The following STK39 variants were observed in gnomAD, a reference collection of about 807,000 sequenced individuals.
STK39 encodes the protein STE20/SPS1-related proline-alanine-rich protein kinase.
STK39 carries 20 observed loss-of-function variants against 77.8 expected under a neutral mutation model. The ratio of observed to expected loss-of-function variants is 0.26; its 90% CI spans 0.18 to 0.37. The LOEUF (loss-of-function observed/expected upper bound fraction) is 0.37. Ranked by LOEUF, STK39 falls within the 10% of genes least tolerant of loss-of-function variation. The pLI is 1.00. For missense variants in STK39, 479 were observed against 656.5 expected, an observed-to-expected ratio of 0.73 and a Z score of 2.95; for synonymous variants, 246 against 234.1, an observed-to-expected ratio of 1.05 and a Z score of -0.47.
intron 16 of STK39, among the ~76,000 whole-genome samples, chr2:167,993,876 C>G (rs1683765610): frequency 1.3e-5 from 2 of 151,244 alleles, no homozygotes; most frequent in Non-Finnish European, 1.5e-5. Context: ...TTCTCTTTGT[C>G]TTCTTAAGTT....
At position 168,056,082 on chromosome 2, in the gene STK39, A is replaced by G. The variant is rs148102226; in HGVS notation, c.1376+7418T>C. Among the ~76,000 whole-genome samples, 733 of 152,354 alleles carry G rather than the reference A, an allele frequency of 4.8e-3. 6 individuals are homozygous for G. The highest frequency in any genetic ancestry group is 0.016 in the African/African-American group (680 of 41,580). ...ATTTTAACCACCTCCAGCATTTAAC[A>G]TTGAGCCTTAAGGTCTAATCCTGTT... On this transcript the variant is annotated intron_variant, in intron 14 of 17. Coordinates refer to ENST00000355999, the MANE Select transcript of STK39 (RefSeq NM_013233.3).
chr2:167,993,052 T>C (rs1027815769), intron 16 of STK39, among the ~76,000 whole-genome samples: 1 of 152,250 alleles, frequency 6.6e-6, no homozygotes, highest in Non-Finnish European at 1.5e-5. Context: ...CAATAGTACA[T>C]TTGAAAGATA....
rs540165448 is a variant in STK39 at position 168,210,130 on chromosome 2, A to G, written c.209-28040T>C. 4.3e-4 allele frequency among the ~76,000 whole-genome samples: 66 copies of G among 152,282 alleles called. No individual in the cohort carries two copies. In the South Asian group the frequency reaches 0.013, roughly 31 times the overall value. On this transcript the variant is annotated intron_variant, in intron 1 of 17. Transcript: ENST00000355999. ...AACCTCAATTCTCACCCATGCTGCA[A>G]AAATGGCACACCAACTCTGAAGACA...
At chr2:168,128,880 T>C (rs1687610722) in intron 10 of STK39, among the ~76,000 whole-genome samples, 1 of 152,040 alleles carries the variant, frequency 6.6e-6, no homozygotes, top group Non-Finnish European at 1.5e-5. Context: ...ATATCTAATA[T>C]AATTTAAAAA....
At chr2:168,063,374 T>G in intron 14 of STK39, 126 bp downstream of exon 14, 3 of 807,584 alleles carry the variant, frequency 3.7e-6, no homozygotes, top group Non-Finnish European at 5.8e-6. Context: ...CATACACTCA[T>G]GGTTCGGGGA....
chr2:168,087,612 A>C (rs374504936), intron 10 of STK39, among the ~76,000 whole-genome samples: 1 of 152,176 alleles, frequency 6.6e-6, no homozygotes. Flanking sequence ...TACCCTGGGA[A>C]TGTTAGGCTT....
At chr2:168,161,686 GATTACATGCATTTATTC>G in intron 5 of STK39, 84 bp downstream of exon 5, 2 of 778,636 alleles carry the variant, frequency 2.6e-6, no homozygotes, top group Non-Finnish European at 4.1e-6. Flanking sequence ...TCTGAAAAGA[GATTACATGCATTTATTC>G]ATTTCTCAGG....
intron 16 of STK39, among the ~76,000 whole-genome samples, chr2:167,988,297 T>C (rs1553510235): frequency 6.6e-6 from 1 of 152,170 alleles, no homozygotes; most frequent in Non-Finnish European, 1.5e-5. Flanking sequence ...ATTTTTTTCC[T>C]GCAAAGAAGT....
rs145634830 is a variant in STK39, at chr2:168,197,975, G to A, written c.209-15885C>T. Among the ~76,000 whole-genome samples, 252 of 151,204 alleles carry A rather than the reference G, an allele frequency of 1.7e-3. 2 individuals carry two copies. Among genetic ancestry groups the A allele is most frequent in the Middle Eastern group, 6.8e-3 (2 of 292 alleles). ...ATCACTTGAACCCAGGAGGTAGAGGGTGCAGTGAGCCGAGACTGTGCCATT... is the reference window on the plus strand; with the variant it reads ...ATCACTTGAACCCAGGAGGTAGAGGATGCAGTGAGCCGAGACTGTGCCATT... On this transcript the variant is annotated intron_variant, in intron 1 of 17. Transcript: ENST00000355999.
At chr2:168,210,911 A>C (rs974451229) in intron 1 of STK39, among the ~76,000 whole-genome samples, 3 of 152,232 alleles carry the variant, frequency 2.0e-5, no homozygotes, top group Non-Finnish European at 2.9e-5. Flanking sequence ...GAGACAATCT[A>C]CACAAAATAA....
intron 16 of STK39, among the ~76,000 whole-genome samples, chr2:168,009,957 C>T (rs1031655307): frequency 9.2e-5 from 14 of 152,140 alleles, no homozygotes; most frequent in African/African-American, 3.4e-4. Flanking sequence ...TAAAACCTTC[C>T]TAACTTTAGC....
Position 168,060,788 on chromosome 2 carries a change from A to C in STK39, c.1376+2712T>G, listed in dbSNP as rs1022426958. Among the ~76,000 whole-genome samples, 4 of 152,340 alleles carry C rather than the reference A, an allele frequency of 2.6e-5. No individual in the cohort carries two copies. In the South Asian group the frequency reaches 6.2e-4, roughly 24 times the overall value. On this transcript the variant is annotated intron_variant, in intron 14 of 17. Coordinates refer to ENST00000355999, the MANE Select transcript of STK39 (RefSeq NM_013233.3). ...TTGTGTTAGATGTACATTAAAAGGCATTGAATTTGTTGCTGGTTGAACAAC... is the reference window on the plus strand; with the variant it reads ...TTGTGTTAGATGTACATTAAAAGGCCTTGAATTTGTTGCTGGTTGAACAAC...
At chr2:168,007,917 G>T (rs1368743260) in intron 16 of STK39, among the ~76,000 whole-genome samples, 1 of 152,112 alleles carries the variant, frequency 6.6e-6, no homozygotes, top group East Asian at 1.9e-4. Context: ...TATAAAGTTT[G>T]CCCCTTTAAA....
Position 168,122,533 on chromosome 2 carries a change from G to A in STK39, c.1089+7008C>T, listed in dbSNP as rs115268826. Among the ~76,000 whole-genome samples the A allele has an allele frequency of 4.5e-3, 681 of 152,158 alleles. 1 individual carries two copies. Among genetic ancestry groups the A allele is most frequent in the Non-Finnish European group, 6.4e-3 (432 of 68,008 alleles). ...TGGCTTACTGCAATTTCAACCTCCTGGGCTCCATCAATCCTCCCAACTCAG... is the reference window on the plus strand; with the variant it reads ...TGGCTTACTGCAATTTCAACCTCCTAGGCTCCATCAATCCTCCCAACTCAG... On this transcript the variant is annotated intron_variant, in intron 10 of 17. Transcript: ENST00000355999.
chr2:168,031,069 T>C (rs911114529), intron 14 of STK39, among the ~76,000 whole-genome samples: 13 of 152,136 alleles, frequency 8.5e-5, no homozygotes, highest in Non-Finnish European at 1.5e-4. Flanking sequence ...TGGGGTTACA[T>C]GGTTCTCCAA....
intron 8 of STK39, among the ~76,000 whole-genome samples, chr2:168,134,948 A>G (rs936686533): frequency 1.3e-5 from 2 of 152,206 alleles, no homozygotes; most frequent in African/African-American, 4.8e-5. Flanking sequence ...AAAATTTTGC[A>G]TTCACTCTTC....
chr2:168,108,596 A>G (rs1296254415), intron 10 of STK39, among the ~76,000 whole-genome samples: 1 of 152,058 alleles, frequency 6.6e-6, no homozygotes, highest in Non-Finnish European at 1.5e-5. Flanking sequence ...ACGATGGGGT[A>G]CTTTTGCTAA....
intron 10 of STK39, among the ~76,000 whole-genome samples, chr2:168,127,630 A>G (rs1687578478): frequency 6.6e-6 from 1 of 152,226 alleles, no homozygotes; most frequent in Non-Finnish European, 1.5e-5. Flanking sequence ...TTCGAGGCTA[A>G]GGATCTTGGT....
At chr2:167,955,897 T>G (rs1039902007) in intron 17 of STK39, among the ~76,000 whole-genome samples, 1 of 152,194 alleles carries the variant, frequency 6.6e-6, no homozygotes, top group Non-Finnish European at 1.5e-5. Context: ...TTTCAAAAAC[T>G]AAATAAAATT....
Sources: allele counts gnomAD v4.1 joint callset (sites outside exome capture counted in the v4.1 genomes callset), GRCh38; gene constraint gnomAD v4.1.1; transcripts MANE v1.5; gene names NCBI Gene and HGNC (gene_info 2026-07-23, HGNC 2026-07-21).